PTK2: variants seen among roughly 807,000 people sequenced by gnomAD.
PTK2 encodes focal adhesion kinase 1.
PTK2 carries 45 observed loss-of-function variants against 150.1 expected under a neutral mutation model. That is an observed-to-expected ratio of 0.30 (90% CI 0.24 to 0.38). The LOEUF is 0.38. Ranked by LOEUF, PTK2 falls within the 10% of genes least tolerant of loss-of-function variation. The pLI, the probability that PTK2 is intolerant of heterozygous loss-of-function variation, is 1.00. For missense variants in PTK2, 919 were observed against 1,307.3 expected, an observed-to-expected ratio of 0.70 and a Z score of 4.58; for synonymous variants, 432 against 449.2, an observed-to-expected ratio of 0.96 and a Z score of 0.48.
intron 22 of PTK2, chr8:140,732,731 G>A: frequency 2.9e-6 from 1 of 339,960 alleles, no homozygotes; most frequent in Non-Finnish European, 5.9e-6. Flanking sequence ...TTATCGAACT[G>A]AATTGAACAC....
At chr8:140,707,704 C>T (rs2100034604) in intron 23 of PTK2, among the ~76,000 whole-genome samples, 2 of 152,050 alleles carry the variant, frequency 1.3e-5, no homozygotes, top group South Asian at 2.1e-4. Flanking sequence ...TGTGCCCAGC[C>T]GAACTGCACA....
intron 22 of PTK2, chr8:140,718,158 T>A (rs893450637): frequency 1.3e-5 from 2 of 159,902 alleles, no homozygotes; most frequent in African/African-American, 4.8e-5. Flanking sequence ...GCCAATAATC[T>A]CCCTAAATTG....
intron 1 of PTK2, chr8:140,984,261 C>T (rs1167748421): frequency 6.6e-6 from 1 of 152,574 alleles, no homozygotes; most frequent in Non-Finnish European, 1.5e-5. Context: ...ACAAACAAGC[C>T]CAAGATCATA....
chr8:140,928,774 A>G (rs1402610292), intron 1 of PTK2, among the ~76,000 whole-genome samples: 1 of 152,130 alleles, frequency 6.6e-6, no homozygotes, highest in Non-Finnish European at 1.5e-5. Flanking sequence ...TGGTTTCCAG[A>G]GGATGAGGCT....
chr8:140,663,044 C>T, intron 31 of PTK2: 1 of 326,372 alleles, frequency 3.1e-6, no homozygotes, highest in African/African-American at 2.1e-5. Flanking sequence ...AACCGACGAC[C>T]CTGGAACGTG....
At chr8:140,742,568 C>T (rs2100056360) in intron 20 of PTK2, among the ~76,000 whole-genome samples, 1 of 152,148 alleles carries the variant, frequency 6.6e-6, no homozygotes, top group Non-Finnish European at 1.5e-5. Context: ...ACTGTAATCC[C>T]ATTGTGTTCT....
chr8:140,854,811 C>T (rs1315551154), intron 5 of PTK2, among the ~76,000 whole-genome samples: 2 of 151,890 alleles, frequency 1.3e-5, no homozygotes, highest in East Asian at 3.9e-4. Context: ...TCCTCATGAC[C>T]CCACCCAAAA....
chr8:140,994,887 C>A (rs1210108307), intron 1 of PTK2, among the ~76,000 whole-genome samples: 3 of 152,030 alleles, frequency 2.0e-5, no homozygotes, highest in African/African-American at 7.3e-5. Context: ...GAGTTCAAGA[C>A]CAACCTGACC....
intron 16 of PTK2, among the ~76,000 whole-genome samples, chr8:140,760,245 C>CAG (rs1565825611): frequency 6.6e-6 from 1 of 150,842 alleles, no homozygotes; most frequent in African/African-American, 2.4e-5. Flanking sequence ...CAAAACAAAA[C>CAG]ATATATATAT....
chr8:140,829,882 T>C (rs1672484512), intron 8 of PTK2, among the ~76,000 whole-genome samples: 1 of 152,138 alleles, frequency 6.6e-6, no homozygotes, highest in African/African-American at 2.4e-5. Flanking sequence ...CCTGCTGCGC[T>C]TGAAAATCTT....
At chr8:140,743,900 C>T (rs2154462617) in intron 19 of PTK2, among the ~76,000 whole-genome samples, 1 of 151,730 alleles carries the variant, frequency 6.6e-6, no homozygotes, top group Middle Eastern at 3.4e-3. Context: ...GCCTCAGCCT[C>T]CCGAGTAGCT....
chr8:140,936,000 T>A (rs894526482), intron 1 of PTK2, among the ~76,000 whole-genome samples: 3 of 151,988 alleles, frequency 2.0e-5, no homozygotes, highest in African/African-American at 7.3e-5. Flanking sequence ...TGAAACCCCA[T>A]CTCTCCAAAA....
intron 4 of PTK2, among the ~76,000 whole-genome samples, chr8:140,878,738 T>C (rs1208531560): frequency 6.6e-6 from 1 of 151,828 alleles, no homozygotes; most frequent in African/African-American, 2.4e-5. Context: ...GCATTGCCTA[T>C]AAAAATTAGA....
At chr8:140,666,379 A>C (rs766267322) in intron 30 of PTK2, among the ~76,000 whole-genome samples, 4 of 152,012 alleles carry the variant, frequency 2.6e-5, no homozygotes, top group Admixed American at 1.3e-4. Context: ...AACAACAACA[A>C]TTGTAGGATT....
intron 14 of PTK2, among the ~76,000 whole-genome samples, chr8:140,774,432 G>A (rs150731961): frequency 8.5e-5 from 13 of 152,340 alleles, no homozygotes; most frequent in African/African-American, 3.1e-4. Flanking sequence ...TCCTATGGAA[G>A]ATGGCAGAAT....
chr8:140,748,496 C>CACA (rs2100060856), intron 17 of PTK2, among the ~76,000 whole-genome samples: 1 of 111,590 alleles, frequency 9.0e-6, no homozygotes, highest in African/African-American at 3.3e-5. Context: ...GACTCTGTCT[C>CACA]AAAAAAAAAA....
chr8:140,768,949 C>A (rs2100073982), intron 14 of PTK2, among the ~76,000 whole-genome samples: 2 of 152,032 alleles, frequency 1.3e-5, no homozygotes, highest in South Asian at 4.2e-4. Context: ...AAATACAATT[C>A]CTTCTTAATT....
intron 1 of PTK2, among the ~76,000 whole-genome samples, chr8:140,935,126 C>A (rs1012114565): frequency 2.6e-5 from 4 of 152,070 alleles, no homozygotes; most frequent in African/African-American, 9.7e-5. Flanking sequence ...GAGATAGGAA[C>A]AACTTTTCAA....
intron 2 of PTK2, among the ~76,000 whole-genome samples, chr8:140,921,560 T>C (rs2100167467): frequency 6.6e-6 from 1 of 152,222 alleles, no homozygotes; most frequent in African/African-American, 2.4e-5. Context: ...TATGTCTCTA[T>C]GTCTATAGGT....
Sources: allele counts gnomAD v4.1 joint callset (sites outside exome capture counted in the v4.1 genomes callset), GRCh38; gene constraint gnomAD v4.1.1; transcripts MANE v1.5; gene names NCBI Gene and HGNC (gene_info 2026-07-23, HGNC 2026-07-21).